KAT2B: variants seen among roughly 807,000 people sequenced by gnomAD.
The protein encoded by KAT2B is lysine acetyltransferase 2B, also known as histone acetyltransferase KAT2B.
KAT2B carries 36 observed loss-of-function variants against 105.9 expected under a neutral mutation model. That is an observed-to-expected ratio of 0.34 (90% CI 0.26 to 0.45). The LOEUF is 0.45. Among genes scored for constraint, KAT2B ranks in the 20% least tolerant of loss-of-function variants. KAT2B has a pLI of 1.00. For synonymous variants in KAT2B, 397 were observed against 377.9 expected (o/e 1.05, Z -0.59); for missense variants, 820 against 1,021.6 (o/e 0.80, Z 2.69).
In KAT2B at chr3:20,146,297, T is replaced by C; in HGVS notation, c.2005-19T>C. ...ATAGACTTCTTTCCCTAAACACATTTCCTTCCTGTGCTTTACAGATAATTA... is the reference window on the plus strand; with the variant it reads ...ATAGACTTCTTTCCCTAAACACATTCCCTTCCTGTGCTTTACAGATAATTA... On this transcript the variant is annotated intron_variant, in intron 13 of 17. Transcript: ENST00000263754. The C allele has an allele frequency of 5.7e-6, 8 of 1,403,270 alleles. No homozygotes were observed. Among genetic ancestry groups the C allele is most frequent in the Non-Finnish European group, 8.1e-6 (8 of 989,074 alleles). The allele number at this position is 1,403,270 out of a possible 1,614,324, so 86.9% of individuals were successfully genotyped here.
At chr3:20,089,187 C>G (rs971465192) in intron 2 of KAT2B, among the ~76,000 whole-genome samples, 2 of 152,034 alleles carry the variant, frequency 1.3e-5, no homozygotes, top group African/African-American at 2.4e-5. Flanking sequence ...GTTCTTTTTG[C>G]TCAAGATTGC....
At chr3:20,125,180 G>A (rs1233867456) in intron 9 of KAT2B, among the ~76,000 whole-genome samples, 3 of 152,014 alleles carry the variant, frequency 2.0e-5, no homozygotes, top group African/African-American at 7.2e-5. Flanking sequence ...AAAATTAGCT[G>A]GGCGCCGTGG....
chr3:20,116,234 C>T (rs951198115), intron 7 of KAT2B, among the ~76,000 whole-genome samples: 1 of 152,086 alleles, frequency 6.6e-6, no homozygotes, highest in African/African-American at 2.4e-5. Flanking sequence ...TGGACATATC[C>T]TTTGCATTGC....
chr3:20,102,183 TCACGTGA>T (rs1488746696), intron 5 of KAT2B, among the ~76,000 whole-genome samples: 1 of 152,022 alleles, frequency 6.6e-6, no homozygotes, highest in African/African-American at 2.4e-5. Context: ...GGGCATGGTG[TCACGTGA>T]CTGTAATCCT....
intron 7 of KAT2B, among the ~76,000 whole-genome samples, chr3:20,118,341 T>C (rs1699244431): frequency 6.8e-6 from 1 of 147,782 alleles, no homozygotes; most frequent in African/African-American, 2.5e-5. Flanking sequence ...TGTGTGTGTG[T>C]GTGTGTGTGT....
chr3:20,112,724 G>T lies in KAT2B; in HGVS notation c.1043+937G>T, dbSNP rs561834803. 3.9e-5 allele frequency among the ~76,000 whole-genome samples: 6 copies of T among 152,316 alleles called. No homozygotes were observed. The South Asian group carries it at 1.0e-3, about 26-fold the overall frequency. On this transcript the variant is annotated intron_variant, in intron 6 of 17. Transcript: ENST00000263754. ...CCCCATGCCATTCTGAACTGCTGAT[G>T]TAGAGAATAGAATTTGAGAGGAAAT...
chr3:20,072,702 G>A (rs1016738426), intron 2 of KAT2B, among the ~76,000 whole-genome samples: 1 of 152,198 alleles, frequency 6.6e-6, no homozygotes, highest in Non-Finnish European at 1.5e-5. Flanking sequence ...CTGGGGGATT[G>A]CCAAATAAGA....
chr3:20,095,059 G>C (rs902640904), intron 2 of KAT2B, among the ~76,000 whole-genome samples: 2 of 152,160 alleles, frequency 1.3e-5, no homozygotes, highest in African/African-American at 4.8e-5. Flanking sequence ...GGAGGCTAAG[G>C]CTCAAGAACA....
chr3:20,135,201 G>A (rs1310965231), intron 11 of KAT2B, among the ~76,000 whole-genome samples: 2 of 152,198 alleles, frequency 1.3e-5, no homozygotes, highest in African/African-American at 4.8e-5. Context: ...AAAGTTAAAA[G>A]CTAAAATGTC....
At chr3:20,103,738 C>T (rs921571644) in intron 5 of KAT2B, among the ~76,000 whole-genome samples, 1 of 152,140 alleles carries the variant, frequency 6.6e-6, no homozygotes, top group Admixed American at 6.6e-5. Context: ...AAGAAAAATG[C>T]AAGGCAGCCT....
intron 8 of KAT2B, among the ~76,000 whole-genome samples, chr3:20,121,187 G>T (rs1487899086): frequency 6.6e-6 from 1 of 152,158 alleles, no homozygotes; most frequent in Admixed American, 6.5e-5. Flanking sequence ...CGACAAAAGT[G>T]ATTTAGTAAA....
In KAT2B at chr3:20,131,104, C is replaced by T. The variant is rs1699504185; in HGVS notation, c.1749+3555C>T. On this transcript the variant is annotated intron_variant, in intron 11 of 17. Coordinates refer to ENST00000263754, the MANE Select transcript of KAT2B (RefSeq NM_003884.5). Reference sequence around the variant, plus strand: ...GATCTCGGCTCACTGCAAACTCCGCCTCCTGGGTTCTGGTGATTCTCCTGC... The same window carrying T: ...GATCTCGGCTCACTGCAAACTCCGCTTCCTGGGTTCTGGTGATTCTCCTGC... Among the ~76,000 whole-genome samples, 5 of 150,170 alleles carry T rather than the reference C, an allele frequency of 3.3e-5. No individual in the cohort carries two copies. In the Admixed American group the frequency reaches 3.3e-4, roughly 10 times the overall value.
At chr3:20,109,283 C>T (rs970908510) in intron 5 of KAT2B, among the ~76,000 whole-genome samples, 9 of 149,240 alleles carry the variant, frequency 6.0e-5, no homozygotes, top group African/African-American at 9.9e-5. Flanking sequence ...CCCTCAGCCC[C>T]AGATAGATAG....
At chr3:20,051,325 T>G (rs1394038596) in intron 1 of KAT2B, among the ~76,000 whole-genome samples, 1 of 152,030 alleles carries the variant, frequency 6.6e-6, no homozygotes, top group Non-Finnish European at 1.5e-5. Flanking sequence ...TGTGGGCTGA[T>G]GATGTCACTG....
intron 1 of KAT2B, among the ~76,000 whole-genome samples, chr3:20,061,272 A>C (rs1425248803): frequency 6.6e-6 from 1 of 152,148 alleles, no homozygotes; most frequent in Non-Finnish European, 1.5e-5. Context: ...TAACATTCTC[A>C]AGTTTCATTC....
intron 1 of KAT2B, among the ~76,000 whole-genome samples, chr3:20,054,503 A>T (rs1697971932): frequency 6.6e-6 from 1 of 152,106 alleles, no homozygotes; most frequent in South Asian, 2.1e-4. Context: ...TATCAGGAGG[A>T]GGTTTAGGGT....
chr3:20,095,450 A>T lies in KAT2B; in HGVS notation c.576+42A>T. On this transcript the variant is annotated intron_variant, in intron 3 of 17. Transcript: ENST00000263754. ...TTAAAAACATTTTCTCTCATTATTCAAATGTACCCAGTCTCCATATGCCAG... is the reference window on the plus strand; with the variant it reads ...TTAAAAACATTTTCTCTCATTATTCTAATGTACCCAGTCTCCATATGCCAG... The T allele has an allele frequency of 2.1e-6, 3 of 1,397,706 alleles. 1 individual carries two copies. The South Asian group carries it at 3.7e-5, about 17-fold the overall frequency. The allele number at this position is 1,397,706 out of a possible 1,614,324, so 86.6% of individuals were successfully genotyped here.
chr3:20,096,025 G>A (rs4586829), intron 3 of KAT2B, among the ~76,000 whole-genome samples: 93,751 of 151,854 alleles, frequency 0.62, 29,659 homozygotes, highest in African/African-American at 0.76. Context: ...AGGGAGGAAC[G>A]GGTATTTTAG....
At chr3:20,140,551 A>G (rs544245810) in intron 13 of KAT2B, among the ~76,000 whole-genome samples, 187 bp downstream of exon 13, 130 of 152,234 alleles carry the variant, frequency 8.5e-4, no homozygotes, top group African/African-American at 3.1e-3. Flanking sequence ...ACTGGAGTGC[A>G]GTGGCACTAT....
Sources: allele counts gnomAD v4.1 joint callset (sites outside exome capture counted in the v4.1 genomes callset), GRCh38; gene constraint gnomAD v4.1.1; transcripts MANE v1.5; gene names NCBI Gene and HGNC (gene_info 2026-07-23, HGNC 2026-07-21).